Variants in KCNK10 observed in about 807,000 individuals in gnomAD.
The protein encoded by KCNK10 is potassium two pore domain channel subfamily K member 10.
A neutral mutation model predicts 47.7 loss-of-function variants in KCNK10; 25 were observed. That is an observed-to-expected ratio of 0.52 (90% confidence interval 0.38 to 0.73). KCNK10 has a LOEUF of 0.73. Ranked by LOEUF, KCNK10 falls within the 30% of genes least tolerant of loss-of-function variation. The pLI is 0.00. For synonymous variants in KCNK10, 303 were observed against 285.6 expected (o/e 1.06, Z -0.61); for missense variants, 563 against 714.5 (o/e 0.79, Z 2.42).
chr14:88,241,367 T>A (rs935581601), intron 2 of KCNK10, among the ~76,000 whole-genome samples: 5 of 152,172 alleles, frequency 3.3e-5, no homozygotes, highest in African/African-American at 1.2e-4. Context: ...AGATAATACC[T>A]TCCCCACAGG....
chr14:88,302,457 C>G (rs1480425812), intron 1 of KCNK10, among the ~76,000 whole-genome samples: 1 of 152,196 alleles, frequency 6.6e-6, no homozygotes, highest in Non-Finnish European at 1.5e-5. Flanking sequence ...TGCCTGTAAT[C>G]CCAGCACTTT....
intron 2 of KCNK10, among the ~76,000 whole-genome samples, chr14:88,262,101 G>T (rs879715203): frequency 2.0e-5 from 3 of 152,202 alleles, no homozygotes; most frequent in Non-Finnish European, 2.9e-5. Flanking sequence ...ATCTTGGATT[G>T]TTGCAGCCAT....
intron 1 of KCNK10, among the ~76,000 whole-genome samples, chr14:88,279,564 T>C (rs1157663557): frequency 6.6e-6 from 1 of 152,178 alleles, no homozygotes; most frequent in South Asian, 2.1e-4. Flanking sequence ...AGGGTAAGTA[T>C]ATCCCATGCA....
At chr14:88,214,939 A>T (rs894638036) in intron 4 of KCNK10, among the ~76,000 whole-genome samples, 2 of 152,236 alleles carry the variant, frequency 1.3e-5, no homozygotes, top group Admixed American at 6.5e-5. Flanking sequence ...AAGAAAGGGC[A>T]TATAGTGGAA....
At chr14:88,310,378 A>C (rs997222577) in intron 1 of KCNK10, among the ~76,000 whole-genome samples, 6 of 151,882 alleles carry the variant, frequency 4.0e-5, no homozygotes, top group African/African-American at 1.5e-4. Flanking sequence ...CCATTTCTGC[A>C]GGCACTCACT....
intron 1 of KCNK10, among the ~76,000 whole-genome samples, chr14:88,302,921 A>G (rs1046137669): frequency 1.3e-5 from 2 of 152,154 alleles, no homozygotes; most frequent in African/African-American, 4.8e-5. Context: ...AAATGACAAC[A>G]TTTCAAAGAA....
At chr14:88,272,609 A>G (rs1887432201) in intron 1 of KCNK10, among the ~76,000 whole-genome samples, 1 of 152,158 alleles carries the variant, frequency 6.6e-6, no homozygotes, top group Non-Finnish European at 1.5e-5. Context: ...CTGCAAAGAC[A>G]AGCAGAGGAG....
At chr14:88,263,080 G>T in intron 2 of KCNK10, 122 bp downstream of exon 2, 1 of 752,196 alleles carries the variant, frequency 1.3e-6, no homozygotes, top group Non-Finnish European at 2.1e-6. Flanking sequence ...CCTCCCTGGA[G>T]AGAACTTCCC....
At chr14:88,229,046 C>T (rs1886076929) in intron 3 of KCNK10, among the ~76,000 whole-genome samples, 1 of 152,196 alleles carries the variant, frequency 6.6e-6, no homozygotes, top group South Asian at 2.1e-4. Context: ...TTTATGGTGA[C>T]TCTTGGAAAC....
intron 1 of KCNK10, among the ~76,000 whole-genome samples, chr14:88,299,880 G>T (rs996808035): frequency 6.6e-6 from 1 of 152,120 alleles, no homozygotes; most frequent in African/African-American, 2.4e-5. Context: ...TCTAAATATG[G>T]CCACCAAAAA....
At chr14:88,290,643 G>T (rs1887855902) in intron 1 of KCNK10, among the ~76,000 whole-genome samples, 1 of 152,122 alleles carries the variant, frequency 6.6e-6, no homozygotes, top group Non-Finnish European at 1.5e-5. Context: ...TTTGCCCAAA[G>T]CCTCAAAACT....
upstream of KCNK10, chr14:88,323,822 G>GCT (rs1455938444): frequency 6.6e-6 from 1 of 152,316 alleles, no homozygotes; most frequent in Non-Finnish European, 1.5e-5. Context: ...CTCACCCTGA[G>GCT]CTCTCCCTCC....
intron 1 of KCNK10, among the ~76,000 whole-genome samples, chr14:88,299,980 C>A (rs1888061603): frequency 6.6e-6 from 1 of 152,140 alleles, no homozygotes; most frequent in South Asian, 2.1e-4. Context: ...TCAAATGCAC[C>A]CACTGCAATA....
intron 4 of KCNK10, among the ~76,000 whole-genome samples, chr14:88,224,757 G>A (rs984165546): frequency 6.6e-6 from 1 of 152,108 alleles, no homozygotes. Flanking sequence ...TTACAGGCAT[G>A]CACCACCGTG....
intron 2 of KCNK10, among the ~76,000 whole-genome samples, chr14:88,261,575 A>AG (rs1887112588): frequency 6.6e-6 from 1 of 152,192 alleles, no homozygotes; most frequent in South Asian, 2.1e-4. Flanking sequence ...CAACATGGTG[A>AG]AAACCTGTCT....
At chr14:88,201,627 T>C (rs893039245) in intron 4 of KCNK10, among the ~76,000 whole-genome samples, 3 of 151,086 alleles carry the variant, frequency 2.0e-5, no homozygotes, top group Non-Finnish European at 4.4e-5. Context: ...GTAACTGCAC[T>C]CCATCCTGGG....
intron 4 of KCNK10, among the ~76,000 whole-genome samples, chr14:88,226,824 T>C (rs942840526): frequency 4.6e-5 from 7 of 152,138 alleles, no homozygotes; most frequent in African/African-American, 1.7e-4. Context: ...AACAGTTCAG[T>C]AGGAAGTAGT....
Position 88,322,116 on chromosome 14 carries a change from C to T in KCNK10, c.52+631G>A, listed in dbSNP as rs1888558486. 6.6e-6 allele frequency among the ~76,000 whole-genome samples: 1 copy of T among 152,188 alleles called. No individual in the cohort carries two copies. Among genetic ancestry groups the T allele is most frequent in the African/African-American group, 2.4e-5 (1 of 41,438 alleles). Reference sequence around the variant, plus strand: ...TGCCCCTCCCCTATGCCTTGCCAGCCCCACCCTTCTCACAAACCACCCCTC... The same window carrying T: ...TGCCCCTCCCCTATGCCTTGCCAGCTCCACCCTTCTCACAAACCACCCCTC... On this transcript the variant is annotated intron_variant, in intron 1 of 6. Coordinates refer to ENST00000319231, the MANE Select transcript of KCNK10 (RefSeq NM_138317.3). This position sits in a 1 kb window ranked among gnomAD's most constrained non-coding sequence, Gnocchi z 4.8.
chr14:88,300,016 T>C (rs1440569932), intron 1 of KCNK10, among the ~76,000 whole-genome samples: 1 of 152,178 alleles, frequency 6.6e-6, no homozygotes, highest in South Asian at 2.1e-4. Flanking sequence ...TATTCCTTCA[T>C]GTAACATCAG....
Sources: allele counts gnomAD v4.1 joint callset (sites outside exome capture counted in the v4.1 genomes callset), GRCh38; gene constraint gnomAD v4.1.1; non-coding constraint Gnocchi (gnomAD v3.1); transcripts MANE v1.5; gene names NCBI Gene and HGNC (gene_info 2026-07-23, HGNC 2026-07-21).